Variants in UNC13C observed in about 807,000 individuals in gnomAD.
UNC13C encodes the protein unc-13 homolog C, also known as protein unc-13 homolog C.
UNC13C carries 174 observed loss-of-function variants against 245.4 expected under a neutral mutation model. The observed-to-expected ratio is 0.71, with a 90% CI of 0.63 to 0.80. UNC13C has a LOEUF of 0.80. Among genes scored for constraint, UNC13C ranks in the 30% least tolerant of loss-of-function variants. The pLI, the probability that UNC13C is intolerant of heterozygous loss-of-function variation, is 0.00. For missense variants in UNC13C, 2,829 were observed against 2,602.9 expected (o/e 1.09, Z -1.89); for synonymous variants, 992 against 895.1 (o/e 1.11, Z -1.93).
the UNC13C span, among the ~76,000 whole-genome samples, chr15:53,870,979 T>A: frequency 1.8e-4 from 27 of 152,160 alleles, no homozygotes; most frequent in East Asian, 7.8e-4. Flanking sequence ...ACTCCAACAC[T>A]ATTGTCATCC....
chr15:54,310,772 ATATC>A (rs766527307), intron 13 of UNC13C, among the ~76,000 whole-genome samples: 23,687 of 145,546 alleles, frequency 0.16, 2,227 homozygotes, highest in East Asian at 0.42. Context: ...ATCTATATCT[ATATC>A]TATATATATG....
At chr15:54,423,609 G>A (rs2040698476) in intron 19 of UNC13C, among the ~76,000 whole-genome samples, 1 of 151,744 alleles carries the variant, frequency 6.6e-6, no homozygotes, top group African/African-American at 2.4e-5. Context: ...GTATTTGAAT[G>A]GAGCATTTGA....
At chr15:53,985,983 G>C (rs1383879559) in intron 1 of UNC13C, among the ~76,000 whole-genome samples, 1 of 151,838 alleles carries the variant, frequency 6.6e-6, no homozygotes, top group Non-Finnish European at 1.5e-5. Flanking sequence ...TTCTACTACT[G>C]TGGGTCCTGC....
chr15:53,885,535 C>T, the UNC13C span, among the ~76,000 whole-genome samples: 5 of 152,214 alleles, frequency 3.3e-5, no homozygotes, highest in Non-Finnish European at 5.9e-5. Context: ...CATTTCTACA[C>T]GACTGTCTGT....
rs372585646 is a variant in UNC13C, at chr15:54,013,137, G to A, written c.234G>A (p.Glu78=). 577 of 1,613,746 alleles carry A rather than the reference G, an allele frequency of 3.6e-4. No homozygotes were observed. Among genetic ancestry groups the A allele is most frequent in the Non-Finnish European group, 4.7e-4 (555 of 1,179,872 alleles). ...KCSSTHNLST[E]EDEASKEFSL... ...CATCCACTCACAACTTATCCACTGA[G>A]GAAGACGAGGCCAGTAAAGAGTTTT... The change falls in exon 2 of 33, where the codon GAG becomes GAA. Residue 78 remains glutamate (E), a synonymous_variant. Coordinates refer to ENST00000260323, the MANE Select transcript of UNC13C (RefSeq NM_001080534.3).
At chr15:54,321,474 C>T in intron 13 of UNC13C, 1 of 485,770 alleles carries the variant, frequency 2.1e-6, no homozygotes, top group Non-Finnish European at 4.1e-6. Context: ...ATGGCTACAT[C>T]CACCTCCTCC....
intron 19 of UNC13C, among the ~76,000 whole-genome samples, chr15:54,454,038 C>T (rs150578809): frequency 2.2e-4 from 34 of 152,146 alleles, no homozygotes; most frequent in African/African-American, 7.5e-4. Flanking sequence ...TTGTGTCTGG[C>T]TTCTCTCACT....
rs569789641 is a variant in UNC13C, at chr15:54,341,924, C to T, written c.4713+3435C>T. ...CCGGGAGGCGGAGCTTGCAGTGAGC[C>T]GAGGTTGCACCACTGCACTCCAGCC... is the stretch of plus-strand genomic sequence containing the variant. On this transcript the variant is annotated intron_variant, in intron 17 of 32. Coordinates refer to ENST00000260323, the MANE Select transcript of UNC13C (RefSeq NM_001080534.3). 7.3e-5 allele frequency among the ~76,000 whole-genome samples: 11 copies of T among 150,424 alleles called. No homozygotes were observed. The East Asian group carries it at 1.8e-3, about 24-fold the overall frequency.
chr15:54,603,882 A>C (rs1046721009), intron 30 of UNC13C, among the ~76,000 whole-genome samples: 1 of 152,150 alleles, frequency 6.6e-6, no homozygotes, highest in Non-Finnish European at 1.5e-5. Context: ...CTGTCTAGAT[A>C]GACTTTATTG....
intron 13 of UNC13C, chr15:54,320,775 A>G (rs997935849): frequency 2.6e-6 from 1 of 381,762 alleles, no homozygotes; most frequent in Admixed American, 2.9e-5. Flanking sequence ...AACCACCATG[A>G]CCACCTTGGT....
intron 2 of UNC13C, among the ~76,000 whole-genome samples, chr15:54,075,779 AAT>A (rs1317282767): frequency 1.4e-4 from 21 of 152,096 alleles, no homozygotes; most frequent in Non-Finnish European, 2.2e-4. Flanking sequence ...TGCATTTATG[AAT>A]ATGTGTGTGC....
chr15:54,048,692 A>G, intron 2 of UNC13C: 1 of 314,128 alleles, frequency 3.2e-6, no homozygotes. Context: ...CAAAGCAGCA[A>G]AGTCTTACAT....
chr15:54,271,868 G>A (rs2036696369), intron 10 of UNC13C, among the ~76,000 whole-genome samples: 1 of 152,246 alleles, frequency 6.6e-6, no homozygotes, highest in Admixed American at 6.5e-5. Flanking sequence ...GTAACCGACT[G>A]GACAATCAGC....
intron 2 of UNC13C, among the ~76,000 whole-genome samples, chr15:54,060,125 G>A (rs370775293): frequency 5.1e-5 from 7 of 136,810 alleles, no homozygotes; most frequent in Admixed American, 2.9e-4. Context: ...ATGGGATCTA[G>A]TTAAACTAAA....
chr15:54,074,188 A>G (rs999974454), intron 2 of UNC13C, among the ~76,000 whole-genome samples: 11 of 152,064 alleles, frequency 7.2e-5, no homozygotes, highest in Non-Finnish European at 1.3e-4. Flanking sequence ...CGATGGTTGT[A>G]GTTGTGTGGT....
chr15:54,468,670 A>T (rs1318195135), intron 19 of UNC13C, among the ~76,000 whole-genome samples: 1 of 151,746 alleles, frequency 6.6e-6, no homozygotes, highest in African/African-American at 2.4e-5. Flanking sequence ...GCATGTGGCT[A>T]TCCAGGTTTC....
chr15:54,541,965 A>G (rs879868453), intron 26 of UNC13C, among the ~76,000 whole-genome samples: 2 of 152,028 alleles, frequency 1.3e-5, no homozygotes, highest in Non-Finnish European at 2.9e-5. Flanking sequence ...CTAAATACAC[A>G]TCGGGGTGAG....
the UNC13C span, among the ~76,000 whole-genome samples, chr15:53,859,802 T>A: frequency 6.6e-6 from 1 of 152,210 alleles, no homozygotes; most frequent in African/African-American, 2.4e-5. Context: ...TCATTTCTGA[T>A]ACCTATTTGT....
intron 4 of UNC13C, among the ~76,000 whole-genome samples, chr15:54,175,048 A>C (rs915394234): frequency 2.0e-5 from 3 of 152,190 alleles, no homozygotes; most frequent in African/African-American, 7.2e-5. Context: ...TGAGAAGCAG[A>C]ATAACCTGCG....
Sources: gnomAD v4.1 joint callset for allele counts (sites outside exome capture counted in the v4.1 genomes callset) on GRCh38, gnomAD v4.1.1 for gene constraint, MANE v1.5 for transcripts, NCBI Gene and HGNC (gene_info 2026-07-23, HGNC 2026-07-21) for gene names.